Variants in STAT2 observed in about 807,000 individuals in gnomAD.
STAT2 encodes interferon alpha induced transcriptional activator.
A neutral mutation model predicts 122.3 loss-of-function variants in STAT2; 51 were observed. The ratio of observed to expected loss-of-function variants is 0.42; its 90% CI spans 0.33 to 0.53. STAT2 has a LOEUF of 0.53. Among genes scored for constraint, STAT2 ranks in the 20% least tolerant of loss-of-function variants. The pLI is 0.10. For missense variants in STAT2, 736 were observed against 1,010.3 expected (o/e 0.73, Z 3.68); for synonymous variants, 351 against 394.9 (o/e 0.89, Z 1.32).
chr12:56,346,118 G>A (rs762090545), intron 22 of STAT2, 28 bp downstream of exon 22: 1 of 1,614,094 alleles, frequency 6.2e-7, no homozygotes. Context: ...AAGGATTAGG[G>A]AGGATGAATG....
Position 56,346,832 on chromosome 12 carries a change from C to T in STAT2, c.1848G>A (p.Glu616=). The stretch of plus-strand genomic sequence containing the variant: ...AGAGCAGCTGACCATCATCCTGGTG[C>T]TCCACCCAGGAGCAGGTAATGCCCC... The part of the protein sequence containing the change: ...SEGGITCSWV[E]HQDDDKVLIY... Residue 616 remains glutamate, a synonymous_variant, in exon 20 of 24, where the codon GAG becomes GAA. Transcript: ENST00000314128. The T allele has an allele frequency of 1.9e-6, 3 of 1,614,184 alleles. No individual in the cohort carries two copies. The highest frequency in any genetic ancestry group is 2.5e-6 in the Non-Finnish European group (3 of 1,180,010).
chr12:56,347,088 G>A, intron 19 of STAT2, 133 bp from the exon 20 acceptor site: 1 of 1,359,946 alleles, frequency 7.4e-7, no homozygotes, highest in South Asian at 1.5e-5. Flanking sequence ...CTGCCACTTA[G>A]CTTTTTTTTA....
Position 56,350,461 on chromosome 12 carries a change from T to C in STAT2, c.1095-29A>G, listed in dbSNP as rs143411905. 1,212 of 1,589,050 alleles carry C rather than the reference T, an allele frequency of 7.6e-4. 3 individuals are homozygous for C. The highest frequency in any genetic ancestry group is 9.3e-4 in the Non-Finnish European group (1,086 of 1,170,414). On this transcript the variant is annotated intron_variant, in intron 11 of 23. Coordinates refer to ENST00000314128, the MANE Select transcript of STAT2 (RefSeq NM_005419.4). ...AAAAGAAATAAATTTAAAAAAATCATTGGGCAAAAGAGTATGGAAGTTAGG... is the reference window on the plus strand; with the variant it reads ...AAAAGAAATAAATTTAAAAAAATCACTGGGCAAAAGAGTATGGAAGTTAGG...
At chr12:56,356,327 T>C in intron 2 of STAT2, 42 bp from the exon 3 acceptor site, 1 of 1,608,630 alleles carries the variant, frequency 6.2e-7, no homozygotes, top group East Asian at 2.2e-5. Context: ...TCTGCAGTGT[T>C]ACTGTAGTCC....
Position 56,356,478 on chromosome 12 carries a change from G to A in STAT2, c.94C>T (p.Arg32Ter), listed in dbSNP as rs769566394. 6.2e-6 allele frequency: 10 copies of A among 1,613,966 alleles called. No homozygotes were observed. The highest frequency in any genetic ancestry group is 1.3e-5 in the African/African-American group (1 of 74,886). ...YSHSLLPVDI[R>*]QYLAVWIEDQ... is the part of the protein sequence containing the mutation. ...TCAATCCAGACAGCCAAGTACTGTC[G>A]AATGTCCACAGGCAGGAGGCTGTGC... Residue 32 changes from arginine (R) to a stop codon, truncating the protein, a stop_gained, in exon 2 of 24, where the codon CGA becomes TGA. Coordinates refer to ENST00000314128, the MANE Select transcript of STAT2 (RefSeq NM_005419.4). LOFTEE classifies it high-confidence loss of function.
intron 1 of STAT2, among the ~76,000 whole-genome samples, chr12:56,357,026 ATTTTTTTTTTTTTTTT>A (rs34402362): frequency 1.8e-4 from 12 of 66,374 alleles, no homozygotes; most frequent in African/African-American, 5.3e-4. Flanking sequence ...CCTAATCTGT[ATTTTTTTTTTTTTTTT>A]TTTTTTTTTT....
At position 56,350,746 on chromosome 12, in the gene STAT2, C is replaced by T. The variant is rs1592477004; in HGVS notation, c.1094+83G>A. 2.1e-6 allele frequency: 3 copies of T among 1,440,452 alleles called. No homozygotes were observed. In the East Asian group the frequency reaches 6.8e-5, roughly 33 times the overall value. 89.2% of individuals were successfully genotyped at this position (1,440,452 alleles called of 1,614,324 possible). ...GGATTGGAAGGAGGAAGGAGATAGC[C>T]CTAGGGCCCTGTTGTGAAGAGTGAG... On this transcript the variant is annotated intron_variant, in intron 11 of 23. Coordinates refer to ENST00000314128, the MANE Select transcript of STAT2 (RefSeq NM_005419.4).
chr12:56,355,191 T>C (rs1426334860), intron 6 of STAT2, 85 bp downstream of exon 6: 2 of 1,490,286 alleles, frequency 1.3e-6, no homozygotes, highest in Non-Finnish European at 1.9e-6. Flanking sequence ...TGACTACTGC[T>C]CATCGGAGCT....
chr12:56,356,946 G>A (rs1483998092), intron 1 of STAT2, among the ~76,000 whole-genome samples: 5 of 149,906 alleles, frequency 3.3e-5, no homozygotes, highest in Non-Finnish European at 7.4e-5. Context: ...AACTTTTTGA[G>A]CACCCACATG....
At position 56,346,968 on chromosome 12, in the gene STAT2, G is replaced by A; in HGVS notation, c.1725-13C>T. ...GCCCATGATGCGTCTGGAGCACAGA[G>A]AGCAGCTGTGAGACACCGCCCAACA... On this transcript the variant is annotated splice_polypyrimidine_tract_variant and intron_variant, in intron 19 of 23. Coordinates refer to ENST00000314128, the MANE Select transcript of STAT2 (RefSeq NM_005419.4). The A allele has an allele frequency of 6.2e-7, 1 of 1,613,830 alleles. No homozygotes were observed. Among genetic ancestry groups the A allele is most frequent in the Non-Finnish European group, 8.5e-7 (1 of 1,179,820 alleles).
intron 19 of STAT2, among the ~76,000 whole-genome samples, chr12:56,347,225 G>A (rs1000258306): frequency 2.0e-5 from 3 of 151,544 alleles, no homozygotes; most frequent in Admixed American, 1.3e-4. Flanking sequence ...GTGTCATTCT[G>A]TCACCCAGGC....
chr12:56,349,681 T>A, intron 13 of STAT2, 45 bp from the exon 14 acceptor site: 1 of 1,612,892 alleles, frequency 6.2e-7, no homozygotes. Flanking sequence ...GTGGGCACCC[T>A]AGTGTCCCTG....
chr12:56,350,767 G>C (rs376966685), intron 11 of STAT2, 62 bp downstream of exon 11: 19 of 1,568,026 alleles, frequency 1.2e-5, no homozygotes, highest in Non-Finnish European at 1.4e-5. Context: ...GTTGTGAAGA[G>C]TGAGTATCTC....
rs1876770392 is a variant in STAT2 at position 56,342,751 on chromosome 12, G to C, written c.*638C>G. On this transcript the variant is annotated 3_prime_UTR_variant, in exon 24 of 24. Coordinates refer to ENST00000314128, the MANE Select transcript of STAT2 (RefSeq NM_005419.4). ...ATTTTATGGGGGAGGAACAGGTACA[G>C]CCAGCTTAGGGGCAGAGTAGGGGAG... 1 of 152,230 alleles carries C rather than the reference G, an allele frequency of 6.6e-6. No homozygotes were observed. The highest frequency in any genetic ancestry group is 2.4e-5 in the African/African-American group (1 of 41,412). The allele number at this position is 152,230 out of a possible 1,614,324, so 9.4% of individuals were successfully genotyped here. A position where few individuals can be genotyped will look rare whatever the true frequency, so the allele number is the denominator to read the frequency against.
rs768136207 is a variant in STAT2, at chr12:56,344,010, G to A, written c.2228C>T (p.Ala743Val). The change falls in exon 23 of 24, where the codon GCA (alanine) becomes GTA (valine). Residue 743 changes from alanine to valine, a missense_variant. Coordinates refer to ENST00000314128, the MANE Select transcript of STAT2 (RefSeq NM_005419.4). ...TAGCTCTGGCCCCAGATCCAGCCCT[G>A]CCTTCAGCAGTGGCTCTAAGTCCAG... Reference protein sequence around the residue: ...LSLDLEPLLKAGLDLGPELES... With the variant: ...LSLDLEPLLKVGLDLGPELES... The A allele has an allele frequency of 1.9e-6, 3 of 1,613,952 alleles. No individual in the cohort carries two copies. Among genetic ancestry groups the A allele is most frequent in the South Asian group, 1.1e-5 (1 of 91,064 alleles).
Position 56,343,421 on chromosome 12 carries a change from T to C in STAT2, c.2524A>G (p.Thr842Ala). The C allele has an allele frequency of 6.2e-7, 1 of 1,614,204 alleles. No individual in the cohort carries two copies. Among genetic ancestry groups the C allele is most frequent in the Non-Finnish European group, 8.5e-7 (1 of 1,180,036 alleles). ...VYVSRPSHFYTDGPLMPSDF is the reference protein window; with the variant it reads ...VYVSRPSHFYADGPLMPSDF ...TCAGAAGGCATCAAGGGTCCATCAGTGTAGAAGTGGCTGGGGCGGGAGACG... is the reference window on the plus strand; with the variant it reads ...TCAGAAGGCATCAAGGGTCCATCAGCGTAGAAGTGGCTGGGGCGGGAGACG... The change falls in exon 24 of 24, where the codon ACT becomes GCT. Residue 842 changes from threonine to alanine, a missense_variant. Transcript: ENST00000314128.
At chr12:56,359,589 T>A (rs1225577844) in intron 1 of STAT2, among the ~76,000 whole-genome samples, 1 of 152,234 alleles carries the variant, frequency 6.6e-6, no homozygotes, top group Non-Finnish European at 1.5e-5. Flanking sequence ...TCTCTCATTC[T>A]TAGGCACATA....
chr12:56,346,045 C>G, intron 22 of STAT2, 101 bp downstream of exon 22: 1 of 1,602,648 alleles, frequency 6.2e-7, no homozygotes, highest in Non-Finnish European at 8.5e-7. Flanking sequence ...TGACCATCAT[C>G]CTGGTGCTCC....
At chr12:56,351,035 G>C (rs1187028725) in intron 10 of STAT2, 63 bp downstream of exon 10, 2 of 1,591,300 alleles carry the variant, frequency 1.3e-6, no homozygotes, top group African/African-American at 2.7e-5. Context: ...GAGCTGTAAA[G>C]CCAGAAAATA....
Sources: gnomAD v4.1 joint callset for allele counts (sites outside exome capture counted in the v4.1 genomes callset) on GRCh38, gnomAD v4.1.1 for gene constraint, MANE v1.5 for transcripts, NCBI Gene and HGNC (gene_info 2026-07-23, HGNC 2026-07-21) for gene names.